SCRG1: variants seen among roughly 807,000 people sequenced by gnomAD.
The protein encoded by SCRG1 is scrapie-responsive protein 1.
In SCRG1, 3 loss-of-function variants were observed where a neutral mutation model predicts 7.7. That is an observed-to-expected ratio of 0.39 (90% CI 0.18 to 1.01). The LOEUF (loss-of-function observed/expected upper bound fraction) is 1.01. SCRG1 is among the 50% of genes least tolerant of loss of function. The pLI is 0.36. For synonymous variants in SCRG1, 46 were observed against 41.2 expected (o/e 1.12, Z -0.44); for missense variants, 110 against 117.2 (o/e 0.94, Z 0.28).
chr4:173,501,778 C>T, the SCRG1 span, among the ~76,000 whole-genome samples: 1 of 152,140 alleles, frequency 6.6e-6, no homozygotes, highest in Non-Finnish European at 1.5e-5. This position sits in a 1 kb window ranked among gnomAD's most constrained non-coding sequence, Gnocchi z 5.1. Context: ...AGGTGCGAGC[C>T]GTTCCTCCTG....
the SCRG1 span, among the ~76,000 whole-genome samples, chr4:173,485,221 A>C: frequency 3.9e-4 from 47 of 119,424 alleles, 1 homozygote; most frequent in East Asian, 1.8e-3. Flanking sequence ...ATATAGGATA[A>C]ATTTTTTTTT....
the SCRG1 span, among the ~76,000 whole-genome samples, chr4:173,491,218 T>TC: frequency 7.2e-4 from 67 of 93,236 alleles, no homozygotes; most frequent in African/African-American, 1.1e-3. Context: ...TCTCTCTCTC[T>TC]TTTTTTTTTT....
chr4:173,423,577 TAA>T, the SCRG1 span, among the ~76,000 whole-genome samples: 1 of 152,120 alleles, frequency 6.6e-6, no homozygotes, highest in Admixed American at 6.5e-5. Context: ...CTATTAATAA[TAA>T]AAAAACCTTT....
At chr4:173,462,302 G>A in the SCRG1 span, among the ~76,000 whole-genome samples, 2 of 152,078 alleles carry the variant, frequency 1.3e-5, no homozygotes, top group African/African-American at 2.4e-5. Context: ...GATCCTAAAA[G>A]CAGCAAAAGA....
At chr4:173,497,828 G>A in the SCRG1 span, among the ~76,000 whole-genome samples, 94 of 151,744 alleles carry the variant, frequency 6.2e-4, no homozygotes, top group African/African-American at 9.9e-4. Context: ...CCACCACCAC[G>A]CCCGGCTAGT....
At chr4:173,421,070 C>G in the SCRG1 span, among the ~76,000 whole-genome samples, 3 of 152,122 alleles carry the variant, frequency 2.0e-5, no homozygotes, top group African/African-American at 7.2e-5. Context: ...GGCTTGATAG[C>G]TCGTGCCTAA....
At chr4:173,426,431 G>T in the SCRG1 span, among the ~76,000 whole-genome samples, 2 of 152,140 alleles carry the variant, frequency 1.3e-5, no homozygotes, top group Non-Finnish European at 2.9e-5. Context: ...TAGATGCCCA[G>T]TATACATAAA....
chr4:173,500,940 T>A, the SCRG1 span, among the ~76,000 whole-genome samples: 1 of 152,352 alleles, frequency 6.6e-6, no homozygotes, highest in Non-Finnish European at 1.5e-5. Flanking sequence ...ACTCGAGGTC[T>A]CTCCAGGGAA....
rs537141356 is a variant in SCRG1, at chr4:173,385,620, G to C, written c.*2721C>G. On this transcript the variant is annotated 3_prime_UTR_variant, in exon 3 of 3. Transcript: ENST00000296506. The stretch of plus-strand genomic sequence containing the variant: ...TTGTATAATGCATTCATTTCTAAAA[G>C]AAATAACTGAATTTCATATTTTCAG... 1 of 152,074 alleles carries C rather than the reference G, an allele frequency of 6.6e-6. No homozygotes were observed. The highest frequency in any genetic ancestry group is 2.4e-5 in the African/African-American group (1 of 41,488). 9.4% of individuals were successfully genotyped at this position (152,074 alleles called of 1,614,324 possible).
the SCRG1 span, among the ~76,000 whole-genome samples, chr4:173,485,786 A>G: frequency 6.6e-6 from 1 of 152,174 alleles, no homozygotes; most frequent in East Asian, 1.9e-4. Flanking sequence ...CCTGTTCAAC[A>G]TGGTGAAACC....
the SCRG1 span, among the ~76,000 whole-genome samples, chr4:173,464,643 G>A: frequency 2.0e-5 from 3 of 152,166 alleles, no homozygotes; most frequent in Admixed American, 6.5e-5. Context: ...TTGCTGGTGG[G>A]CCTGTAAAGT....
the SCRG1 span, among the ~76,000 whole-genome samples, chr4:173,416,870 A>G: frequency 1.3e-5 from 2 of 151,518 alleles, no homozygotes; most frequent in African/African-American, 4.9e-5. Flanking sequence ...GAAATAGCCT[A>G]GAACTCTCCG....
At chr4:173,518,115 T>G in the SCRG1 span, among the ~76,000 whole-genome samples, 1 of 152,236 alleles carries the variant, frequency 6.6e-6, no homozygotes, top group South Asian at 2.1e-4. Context: ...TCGCTCTCTC[T>G]AGGCTCCCCT....
the SCRG1 span, chr4:173,419,323 G>T: frequency 1.3e-6 from 1 of 771,622 alleles, no homozygotes; most frequent in South Asian, 1.7e-5. Context: ...TCTGAGCAAG[G>T]GATATTTTGG....
chr4:173,475,022 T>C, the SCRG1 span, among the ~76,000 whole-genome samples: 1 of 150,984 alleles, frequency 6.6e-6, no homozygotes, highest in East Asian at 1.9e-4. Flanking sequence ...GTGTGGTGAG[T>C]TAATATTTTG....
the SCRG1 span, among the ~76,000 whole-genome samples, chr4:173,462,168 A>G: frequency 5.9e-5 from 9 of 152,166 alleles, no homozygotes; most frequent in Non-Finnish European, 1.3e-4. Context: ...AACTTCCCGA[A>G]CCTATAGAAA....
the SCRG1 span, among the ~76,000 whole-genome samples, chr4:173,438,811 C>T: frequency 6.6e-6 from 1 of 151,562 alleles, no homozygotes; most frequent in Non-Finnish European, 1.5e-5. Context: ...TGATATTTCA[C>T]TTCTTTCTAT....
At chr4:173,436,613 CT>C in the SCRG1 span, among the ~76,000 whole-genome samples, 1 of 151,492 alleles carries the variant, frequency 6.6e-6, no homozygotes, top group Non-Finnish European at 1.5e-5. Context: ...TCTATGGGTT[CT>C]TTTTTTTTGG....
chr4:173,475,173 T>C, the SCRG1 span, among the ~76,000 whole-genome samples: 9 of 152,296 alleles, frequency 5.9e-5, no homozygotes, highest in East Asian at 1.7e-3. Flanking sequence ...ACTAGGATTT[T>C]GAGTTTACAG....
Sources: allele counts gnomAD v4.1 joint callset (sites outside exome capture counted in the v4.1 genomes callset), GRCh38; gene constraint gnomAD v4.1.1; non-coding constraint Gnocchi (gnomAD v3.1); transcripts MANE v1.5; gene names NCBI Gene and HGNC (gene_info 2026-07-23, HGNC 2026-07-21).